Variants in FBF1 observed in about 807,000 individuals in gnomAD.
The protein encoded by FBF1 is fas-binding factor 1.
A neutral mutation model predicts 147.2 loss-of-function variants in FBF1; 119 were observed. That is an observed-to-expected ratio of 0.81 (90% CI 0.70 to 0.94). The LOEUF is 0.94. FBF1 is among the 40% of genes least tolerant of loss of function. FBF1 has a pLI of 0.00. For synonymous variants in FBF1, 601 were observed against 609.0 expected, an observed-to-expected ratio of 0.99 and a Z score of 0.19; for missense variants, 1,449 against 1,500.8, an observed-to-expected ratio of 0.97 and a Z score of 0.57.
Position 75,913,954 on chromosome 17 carries a change from GTTGCTGCACC to G in FBF1, c.3078_3087del (p.Val1027SerfsTer17). The stretch of plus-strand genomic sequence containing the variant: ...TCCTGCTTCCGCAGCCGCTCCTGCT[GTTGCTGCACC>G]GCCTGCAACCGGGCCTGCTGCTCTG... On this transcript the variant is annotated frameshift_variant, in exon 27 of 30. Coordinates refer to ENST00000636174, the MANE Select transcript of FBF1 (RefSeq NM_001319193.2). LOFTEE classifies it high-confidence loss of function. 1.3e-6 allele frequency: 2 copies of G among 1,553,100 alleles called. No individual in the cohort carries two copies. The highest frequency in any genetic ancestry group is 4.8e-5 in the East Asian group (2 of 41,836).
In FBF1 at chr17:75,928,364, G is replaced by A. The variant is rs1268656774; in HGVS notation, c.280-171C>T. On this transcript the variant is annotated intron_variant, in intron 7 of 29. Coordinates refer to ENST00000636174, the MANE Select transcript of FBF1 (RefSeq NM_001319193.2). This position sits in a 1 kb window ranked among gnomAD's most constrained non-coding sequence, Gnocchi z 4.2. ...GTGAAGAAAGAAAATGGAACTAAAG[G>A]TAAGCAGGGGGAGGTGGAATGGAGT... 1.3e-5 allele frequency among the ~76,000 whole-genome samples: 2 copies of A among 152,106 alleles called. No homozygotes were observed. Among genetic ancestry groups the A allele is most frequent in the Non-Finnish European group, 2.9e-5 (2 of 68,026 alleles).
At position 75,918,857 on chromosome 17, in the gene FBF1, G is replaced by A. The variant is rs1419477724; in HGVS notation, c.2139-588C>T. Among the ~76,000 whole-genome samples the A allele has an allele frequency of 1.3e-5, 2 of 149,050 alleles. No individual in the cohort carries two copies. The highest frequency in any genetic ancestry group is 2.1e-4 in the South Asian group (1 of 4,698). On this transcript the variant is annotated intron_variant, in intron 20 of 29. Coordinates refer to ENST00000636174, the MANE Select transcript of FBF1 (RefSeq NM_001319193.2). The surrounding 1 kb of genome is among the most constrained non-coding windows in gnomAD (Gnocchi z 5.8). Reference sequence around the variant, plus strand: ...GAGGTCTCACTATGTTGCCCAGGCTGGTCTTGAACTCCTAGCCTCAAGCAA... The same window carrying A: ...GAGGTCTCACTATGTTGCCCAGGCTAGTCTTGAACTCCTAGCCTCAAGCAA...
intron 17 of FBF1, among the ~76,000 whole-genome samples, chr17:75,920,905 TGTG>T (rs2065522026): frequency 8.3e-6 from 1 of 120,894 alleles, no homozygotes; most frequent in African/African-American, 3.0e-5. Flanking sequence ...GAGGCAGAGG[TGTG>T]GTGGGAGGAT....
At chr17:75,937,346 ATT>A (rs2065631210) in intron 3 of FBF1, among the ~76,000 whole-genome samples, 1 of 151,742 alleles carries the variant, frequency 6.6e-6, no homozygotes, top group African/African-American at 2.4e-5. Flanking sequence ...AATTTTTTGT[ATT>A]TTTAGCAGAG....
chr17:75,920,182 C>A, intron 18 of FBF1, 75 bp from the exon 19 acceptor site: 2 of 1,588,260 alleles, frequency 1.3e-6, no homozygotes. Flanking sequence ...GCCAACAGCC[C>A]TTCCTCCCTC....
rs189931357 is a variant in FBF1, at chr17:75,915,988, A to G, written c.2506-849T>C. 9.1e-4 allele frequency among the ~76,000 whole-genome samples: 126 copies of G among 139,042 alleles called. 1 individual carries two copies. Among genetic ancestry groups the G allele is most frequent in the African/African-American group, 3.4e-3 (123 of 35,714 alleles). 91.2% of individuals were successfully genotyped at this position (139,042 alleles called of 152,430 possible). On this transcript the variant is annotated intron_variant, in intron 23 of 29. Transcript: ENST00000636174. ...GCGCCACTACACTACAGCCTGGGTG[A>G]CAGAGCGAGACTCTGACTCAAAAAA...
chr17:75,929,837 C>A (rs767711356), intron 7 of FBF1, among the ~76,000 whole-genome samples, 160 bp downstream of exon 7: 7 of 152,192 alleles, frequency 4.6e-5, no homozygotes, highest in Admixed American at 3.9e-4. Context: ...GGCAAGGAGG[C>A]CAACGGCTCA....
Position 75,910,604 on chromosome 17 carries a change from G to A in FBF1, c.*119C>T. 1.2e-6 allele frequency: 1 copy of A among 845,328 alleles called. No homozygotes were observed. The highest frequency in any genetic ancestry group is 2.7e-5 in the East Asian group (1 of 37,432). The allele number at this position is 845,328 out of a possible 1,614,324, so 52.4% of individuals were successfully genotyped here. A position where few individuals can be genotyped will look rare whatever the true frequency, so the allele number is the denominator to read the frequency against. On this transcript the variant is annotated 3_prime_UTR_variant, in exon 30 of 30. Transcript: ENST00000636174. The surrounding 1 kb of genome is among the most constrained non-coding windows in gnomAD (Gnocchi z 4.1). ...CTTGCACCCTGTCCACGGAAGAGCT[G>A]TCATCAGGCCTCAAGCATCTCAGAA...
rs771247914 is a variant in FBF1 at position 75,918,124 on chromosome 17, CCAA to C, written c.2246+35_2246+37del. 3.7e-6 allele frequency: 6 copies of C among 1,609,710 alleles called. No homozygotes were observed. The highest frequency in any genetic ancestry group is 2.2e-5 in the South Asian group (2 of 90,684). On this transcript the variant is annotated intron_variant, in intron 21 of 29. Coordinates refer to ENST00000636174, the MANE Select transcript of FBF1 (RefSeq NM_001319193.2). The surrounding 1 kb of genome is among the most constrained non-coding windows in gnomAD (Gnocchi z 5.8). ...GACGGTCTCGGGGACCTTCCGGCCCCCAACGTCAGGCGGGCATGGTTGGGGCAG... is the reference window on the plus strand; with the variant it reads ...GACGGTCTCGGGGACCTTCCGGCCCCCGTCAGGCGGGCATGGTTGGGGCAG...
intron 3 of FBF1, among the ~76,000 whole-genome samples, chr17:75,937,122 G>C (rs966778324): frequency 6.6e-6 from 1 of 152,050 alleles, no homozygotes; most frequent in African/African-American, 2.4e-5. Context: ...ACATAAGGAA[G>C]ACCAAGGCTG....
chr17:75,931,114 C>A lies in FBF1; in HGVS notation c.228+115G>T. ...CATCTCAAAAAACAAACAAAAAGAA[C>A]AAAGTGACTTTGCAGGGACTTCTAA... On this transcript the variant is annotated intron_variant, in intron 6 of 29. Coordinates refer to ENST00000636174, the MANE Select transcript of FBF1 (RefSeq NM_001319193.2). 3 of 1,111,252 alleles carry A rather than the reference C, an allele frequency of 2.7e-6. No homozygotes were observed. The South Asian group carries it at 4.2e-5, about 16-fold the overall frequency. The allele number at this position is 1,111,252 out of a possible 1,614,324, so 68.8% of individuals were successfully genotyped here.
chr17:75,931,802 A>C (rs2065596207), intron 5 of FBF1, among the ~76,000 whole-genome samples: 1 of 152,046 alleles, frequency 6.6e-6, no homozygotes, highest in African/African-American at 2.4e-5. Flanking sequence ...AGTAAAAAAA[A>C]AAAAGTAAGA....
At chr17:75,929,289 C>G in intron 7 of FBF1, among the ~76,000 whole-genome samples, 1 of 151,994 alleles carries the variant, frequency 6.6e-6, no homozygotes. Context: ...TGAGATCACA[C>G]CACTGCACTC....
chr17:75,938,164 G>A lies in FBF1; in HGVS notation c.-15C>T. ...CTGCCTACCATCTCACGGCTCTCGG[G>A]GGTGCTCTCAGCTCCTTCACAGCAC... is the stretch of plus-strand genomic sequence containing the variant. On this transcript the variant is annotated 5_prime_UTR_variant, in exon 2 of 30. Coordinates refer to ENST00000636174, the MANE Select transcript of FBF1 (RefSeq NM_001319193.2). The A allele has an allele frequency of 6.2e-7, 1 of 1,613,194 alleles. No individual in the cohort carries two copies. The highest frequency in any genetic ancestry group is 8.5e-7 in the Non-Finnish European group (1 of 1,179,702).
Position 75,912,427 on chromosome 17 carries a change from G to A in FBF1, c.3248-120C>T. ...GGGTGGACCCTGGCCATATACTCAG[G>A]GTGCAATGGCACTAACTCTCAGAAG... On this transcript the variant is annotated intron_variant, in intron 28 of 29. Coordinates refer to ENST00000636174, the MANE Select transcript of FBF1 (RefSeq NM_001319193.2). 3 of 665,632 alleles carry A rather than the reference G, an allele frequency of 4.5e-6. No individual in the cohort carries two copies. In the Admixed American group the frequency reaches 9.9e-5, roughly 22 times the overall value. 41.2% of individuals were successfully genotyped at this position (665,632 alleles called of 1,614,324 possible).
At chr17:75,931,114 C>T in intron 6 of FBF1, 115 bp downstream of exon 6, 1 of 1,111,256 alleles carries the variant, frequency 9.0e-7, no homozygotes, top group Non-Finnish European at 1.3e-6. Flanking sequence ...ACAAAAAGAA[C>T]AAAGTGACTT....
chr17:75,918,304 G>A lies in FBF1; in HGVS notation c.2139-35C>T. On this transcript the variant is annotated intron_variant, in intron 20 of 29. Transcript: ENST00000636174. This position sits in a 1 kb window ranked among gnomAD's most constrained non-coding sequence, Gnocchi z 5.8. ...GGCGGGAGGGGAAGGCGGTCACTCT[G>A]AGCTGGATCACCCTGATGCGGTAAC... The A allele has an allele frequency of 1.3e-6, 2 of 1,570,084 alleles. No individual in the cohort carries two copies.
chr17:75,933,536 A>G (rs976257099), intron 4 of FBF1, among the ~76,000 whole-genome samples: 3 of 152,040 alleles, frequency 2.0e-5, no homozygotes, highest in Non-Finnish European at 4.4e-5. Context: ...GCGCCACTGC[A>G]CTCCAGCCTG....
In FBF1 at chr17:75,910,745, T is replaced by C. The variant is rs764827819; in HGVS notation, c.3425A>G (p.Asn1142Ser). The C allele has an allele frequency of 8.7e-6, 14 of 1,610,616 alleles. No individual in the cohort carries two copies. Among genetic ancestry groups the C allele is most frequent in the African/African-American group, 1.3e-5 (1 of 74,882 alleles). The change falls in exon 30 of 30, where the codon AAT (asparagine) becomes AGT (serine). Residue 1142 changes from asparagine to serine, a missense_variant. Physicochemically the swap from Asn to Ser is conservative, Grantham distance 46 (BLOSUM62 1). Coordinates refer to ENST00000636174, the MANE Select transcript of FBF1 (RefSeq NM_001319193.2). The surrounding 1 kb of genome is among the most constrained non-coding windows in gnomAD (Gnocchi z 4.1). ...FLETLKKGSYNLTSHSA is the reference protein window; with the variant it reads ...FLETLKKGSYSLTSHSA ...CACTCAGGCTGAATGAGATGTCAAA[T>C]TGTAGGACCCTTTCTTCAGGGTCTC...
Sources: allele counts gnomAD v4.1 joint callset (sites outside exome capture counted in the v4.1 genomes callset), GRCh38; gene constraint gnomAD v4.1.1; non-coding constraint Gnocchi (gnomAD v3.1); transcripts MANE v1.5; gene names NCBI Gene and HGNC (gene_info 2026-07-23, HGNC 2026-07-21).